PARD3B: variants seen among roughly 807,000 people sequenced by gnomAD.
PARD3B encodes partitioning defective 3 homolog B.
PARD3B carries 103 observed loss-of-function variants against 130.2 expected under a neutral mutation model. The observed-to-expected ratio is 0.79, with a 90% CI of 0.67 to 0.93. The LOEUF is 0.93. Ranked by LOEUF, PARD3B falls within the 40% of genes least tolerant of loss-of-function variation. The probability of loss-of-function intolerance (pLI) is 0.00; values close to 1 mark genes in which losing one functional copy is unlikely to be tolerated. For synonymous variants in PARD3B, 583 were observed against 553.2 expected (o/e 1.05, Z -0.76); for missense variants, 1,609 against 1,499.2 (o/e 1.07, Z -1.21).
chr2:205,357,052 C>T (rs2044220835), intron 18 of PARD3B, among the ~76,000 whole-genome samples: 1 of 152,176 alleles, frequency 6.6e-6, no homozygotes, highest in Non-Finnish European at 1.5e-5. Context: ...CTCTGCTCCA[C>T]TGTGGTGTTT....
At position 205,253,313 on chromosome 2, in the gene PARD3B, C is replaced by G; in HGVS notation, c.2185+7491C>G. 1.9e-6 allele frequency: 1 copy of G among 519,736 alleles called. No homozygotes were observed. The highest frequency in any genetic ancestry group is 3.9e-6 in the Non-Finnish European group (1 of 256,126). The allele number at this position is 519,736 out of a possible 1,614,324, so 32.2% of individuals were successfully genotyped here. ...ATTAACACAAAGGCTCTGGCCGCCC[C>G]CCTACAAAGGAGGCCATGGAACCGA... On this transcript the variant is annotated intron_variant, in intron 16 of 22. Coordinates refer to ENST00000406610, the MANE Select transcript of PARD3B (RefSeq NM_001302769.2). This position sits in a 1 kb window ranked among gnomAD's most constrained non-coding sequence, Gnocchi z 4.4.
chr2:205,432,234 A>T (rs1053414888), intron 19 of PARD3B, among the ~76,000 whole-genome samples: 5 of 152,170 alleles, frequency 3.3e-5, no homozygotes, highest in African/African-American at 1.2e-4. Context: ...CACCTGGCTT[A>T]TTGTAATAAC....
At chr2:204,918,700 A>G (rs889849549) in intron 2 of PARD3B, among the ~76,000 whole-genome samples, 1 of 151,844 alleles carries the variant, frequency 6.6e-6, no homozygotes, top group Non-Finnish European at 1.5e-5. Flanking sequence ...TGCAAAGGTT[A>G]TAGAAAAATA....
chr2:205,499,143 A>G (rs1407452658), intron 20 of PARD3B, among the ~76,000 whole-genome samples: 1 of 152,116 alleles, frequency 6.6e-6, no homozygotes, highest in Non-Finnish European at 1.5e-5. Context: ...TGGTTCCACT[A>G]AAATAACTAC....
At chr2:204,815,934 A>G (rs2043130583) in intron 2 of PARD3B, among the ~76,000 whole-genome samples, 1 of 152,038 alleles carries the variant, frequency 6.6e-6, no homozygotes, top group African/African-American at 2.4e-5. Context: ...ATCGTTGGAC[A>G]CATTGTTTGA....
chr2:204,883,698 C>T (rs2046163589), intron 2 of PARD3B, among the ~76,000 whole-genome samples: 3 of 151,626 alleles, frequency 2.0e-5, no homozygotes, highest in Non-Finnish European at 4.4e-5. Flanking sequence ...CCCACCTTGG[C>T]CTCCCAAAGT....
intron 18 of PARD3B, among the ~76,000 whole-genome samples, chr2:205,380,934 G>GAATATATATAATATATA (rs1553499139): frequency 3.7e-5 from 3 of 81,434 alleles, no homozygotes; most frequent in Non-Finnish European, 4.0e-5. Flanking sequence ...AATATATAAA[G>GAATATATATAATATATA]AATATATATA....
At chr2:204,949,886 A>G (rs1689623326) in intron 2 of PARD3B, among the ~76,000 whole-genome samples, 1 of 152,190 alleles carries the variant, frequency 6.6e-6, no homozygotes, top group African/African-American at 2.4e-5. Context: ...TAATTAGAAC[A>G]TAGTATGATA....
At chr2:205,376,818 TG>T (rs2045075378) in intron 18 of PARD3B, among the ~76,000 whole-genome samples, 2 of 152,240 alleles carry the variant, frequency 1.3e-5, no homozygotes, top group East Asian at 1.9e-4. Context: ...GTGGAGGGTC[TG>T]GGGGAACAGC....
intron 18 of PARD3B, among the ~76,000 whole-genome samples, chr2:205,304,172 G>A (rs2336417): frequency 0.54 from 81,937 of 151,984 alleles, 23,512 homozygotes; most frequent in South Asian, 0.72. Flanking sequence ...GAGCCTTCCC[G>A]TTACATTTCC....
chr2:204,680,892 T>C (rs1189241937), intron 1 of PARD3B, among the ~76,000 whole-genome samples: 5 of 152,148 alleles, frequency 3.3e-5, no homozygotes, highest in Admixed American at 6.5e-5. Context: ...TGTACACTTA[T>C]AAAGTATGTT....
intron 22 of PARD3B, among the ~76,000 whole-genome samples, chr2:205,577,906 A>T (rs1054954521): frequency 5.3e-5 from 8 of 152,218 alleles, no homozygotes; most frequent in Non-Finnish European, 1.0e-4. Flanking sequence ...GTATTTTATG[A>T]ACTCTTCTAT....
At chr2:204,960,167 C>T (rs886427934) in intron 2 of PARD3B, among the ~76,000 whole-genome samples, 1 of 152,170 alleles carries the variant, frequency 6.6e-6, no homozygotes, top group Non-Finnish European at 1.5e-5. Flanking sequence ...AAGTTTTATT[C>T]ACATTTGTCC....
chr2:205,371,335 A>C (rs1227013345), intron 18 of PARD3B, among the ~76,000 whole-genome samples: 1 of 152,094 alleles, frequency 6.6e-6, no homozygotes, highest in Non-Finnish European at 1.5e-5. Context: ...ACACAATGAA[A>C]CTTGTTCTGT....
chr2:205,353,437 A>G (rs849250), intron 18 of PARD3B, among the ~76,000 whole-genome samples: 126,643 of 152,126 alleles, frequency 0.83, 53,005 homozygotes, highest in Admixed American at 0.91. Context: ...CTTACTCATC[A>G]TAGTTCCATC....
chr2:204,835,297 C>G (rs561808927), intron 2 of PARD3B, among the ~76,000 whole-genome samples: 1 of 152,208 alleles, frequency 6.6e-6, no homozygotes, highest in Non-Finnish European at 1.5e-5. Context: ...ATGCCACATA[C>G]TTTGGGAATT....
At chr2:205,436,681 A>C (rs1299028537) in intron 19 of PARD3B, among the ~76,000 whole-genome samples, 1 of 152,030 alleles carries the variant, frequency 6.6e-6, no homozygotes, top group African/African-American at 2.4e-5. Context: ...ATGATCTCTC[A>C]AAATACCCTT....
At position 205,085,808 on chromosome 2, in the gene PARD3B, G is replaced by C. The variant is rs114531754; in HGVS notation, c.505-18618G>C. ...TTATATTTGAAGGTATTTAATTTTT[G>C]TATTCATTTGAGGAATGAAATATAA... On this transcript the variant is annotated intron_variant, in intron 4 of 22. Transcript: ENST00000406610. Among the ~76,000 whole-genome samples, 1,155 of 151,828 alleles carry C rather than the reference G, an allele frequency of 7.6e-3. 16 individuals carry two copies. Among genetic ancestry groups the C allele is most frequent in the African/African-American group, 0.026 (1,088 of 41,430 alleles).
chr2:205,382,923 T>C (rs1264848017), intron 18 of PARD3B, among the ~76,000 whole-genome samples: 2 of 151,908 alleles, frequency 1.3e-5, no homozygotes, highest in Non-Finnish European at 2.9e-5. Context: ...ATGCTGTAAG[T>C]TTACCTCATA....
Sources: allele counts gnomAD v4.1 joint callset (sites outside exome capture counted in the v4.1 genomes callset), GRCh38; gene constraint gnomAD v4.1.1; non-coding constraint Gnocchi (gnomAD v3.1); transcripts MANE v1.5; gene names NCBI Gene and HGNC (gene_info 2026-07-23, HGNC 2026-07-21).